ZNF704: variants seen among roughly 807,000 people sequenced by gnomAD.
ZNF704 encodes glucocorticoid induced gene 1.
Under a neutral mutation model 44.7 loss-of-function variants are expected in ZNF704, and 10 were observed. The observed-to-expected ratio is 0.22, with a 90% confidence interval of 0.14 to 0.38. The LOEUF (loss-of-function observed/expected upper bound fraction) is 0.38. Among genes scored for constraint, ZNF704 ranks in the 10% least tolerant of loss-of-function variants. The pLI is 1.00. For missense variants in ZNF704, 390 were observed against 545.5 expected (o/e 0.71, Z 2.84); for synonymous variants, 211 against 207.6 (o/e 1.02, Z -0.14).
At chr8:80,866,128 C>T (rs1410126507) in intron 1 of ZNF704, among the ~76,000 whole-genome samples, 2 of 152,138 alleles carry the variant, frequency 1.3e-5, no homozygotes, top group South Asian at 4.1e-4. Flanking sequence ...CTGGCCAAAC[C>T]ACAGAATCTT....
chr8:80,666,569 A>T (rs1391347749), intron 5 of ZNF704, among the ~76,000 whole-genome samples: 3 of 150,572 alleles, frequency 2.0e-5, no homozygotes, highest in Non-Finnish European at 4.4e-5. Flanking sequence ...GAACTAGTTT[A>T]CAGTCCCACC....
intron 8 of ZNF704, 107 bp downstream of exon 8, chr8:80,642,928 T>C (rs1817767821): frequency 3.0e-6 from 2 of 670,102 alleles, no homozygotes; most frequent in East Asian, 3.4e-5. Context: ...TTTTGTCAAT[T>C]GTGGAGAAAT....
At chr8:80,744,035 C>T (rs1232256471) in intron 2 of ZNF704, among the ~76,000 whole-genome samples, 1 of 152,088 alleles carries the variant, frequency 6.6e-6, no homozygotes, top group African/African-American at 2.4e-5. Context: ...TCTTTCTAGA[C>T]TTGAAACGTG....
At chr8:80,790,801 G>A (rs1807691345) in intron 2 of ZNF704, among the ~76,000 whole-genome samples, 1 of 152,080 alleles carries the variant, frequency 6.6e-6, no homozygotes, top group African/African-American at 2.4e-5. Flanking sequence ...GATGCTCTGG[G>A]ACATCAATAA....
intron 2 of ZNF704, among the ~76,000 whole-genome samples, chr8:80,804,080 A>C (rs1033785428): frequency 3.3e-5 from 5 of 152,202 alleles, no homozygotes; most frequent in African/African-American, 1.2e-4. Context: ...ATGAAAAAAA[A>C]CCTCAACATC....
At chr8:80,723,269 T>G (rs1418357893) in intron 2 of ZNF704, among the ~76,000 whole-genome samples, 4 of 152,246 alleles carry the variant, frequency 2.6e-5, no homozygotes, top group Non-Finnish European at 5.9e-5. Flanking sequence ...TTTTTTGTAT[T>G]CACTTCTTCA....
intron 2 of ZNF704, among the ~76,000 whole-genome samples, chr8:80,741,019 T>C (rs1806746756): frequency 6.6e-6 from 1 of 152,242 alleles, no homozygotes; most frequent in Admixed American, 6.5e-5. Context: ...GGTTAAATAC[T>C]TAAGGCTAAA....
At chr8:80,769,126 A>G (rs1430369512) in intron 2 of ZNF704, among the ~76,000 whole-genome samples, 3 of 152,190 alleles carry the variant, frequency 2.0e-5, no homozygotes, top group African/African-American at 4.8e-5. Context: ...TAGAGATTCT[A>G]AAGAACTCTA....
At chr8:80,781,220 CCA>C (rs1039305329) in intron 2 of ZNF704, among the ~76,000 whole-genome samples, 61 of 152,238 alleles carry the variant, frequency 4.0e-4, no homozygotes, top group African/African-American at 1.4e-3. Flanking sequence ...GCTCAAAAAT[CCA>C]CAGTTTCTAA....
intron 2 of ZNF704, among the ~76,000 whole-genome samples, chr8:80,737,647 G>T (rs1165856722): frequency 1.3e-5 from 2 of 152,134 alleles, no homozygotes; most frequent in Admixed American, 1.3e-4. Flanking sequence ...GGGTATGAAA[G>T]AATTTGTGAA....
At chr8:80,841,905 A>G (rs752134926) in intron 1 of ZNF704, among the ~76,000 whole-genome samples, 46 of 152,122 alleles carry the variant, frequency 3.0e-4, no homozygotes, top group Non-Finnish European at 5.7e-4. Flanking sequence ...GTCCTGCCTC[A>G]ACCTCTCAAA....
intron 2 of ZNF704, among the ~76,000 whole-genome samples, chr8:80,716,387 A>T (rs1468086396): frequency 6.6e-6 from 1 of 152,230 alleles, no homozygotes. Context: ...GATAGGGTCA[A>T]AGGAAATCAG....
At chr8:80,678,426 C>T (rs576709262) in intron 4 of ZNF704, among the ~76,000 whole-genome samples, 1 of 152,308 alleles carries the variant, frequency 6.6e-6, no homozygotes, top group Non-Finnish European at 1.5e-5. Context: ...CAGAGCTCTA[C>T]CTTCATAGTT....
intron 2 of ZNF704, among the ~76,000 whole-genome samples, chr8:80,722,416 C>T (rs138901397): frequency 2.8e-4 from 42 of 152,264 alleles, no homozygotes; most frequent in African/African-American, 7.7e-4. Context: ...TGAAGATTAA[C>T]GAATACAAAC....
intron 1 of ZNF704, among the ~76,000 whole-genome samples, chr8:80,865,169 C>T (rs887643771): frequency 1.3e-5 from 2 of 152,166 alleles, no homozygotes; most frequent in African/African-American, 4.8e-5. Context: ...CACAGTTTTA[C>T]AAATGTTTCC....
At chr8:80,743,209 A>G (rs947153581) in intron 2 of ZNF704, among the ~76,000 whole-genome samples, 27 of 151,134 alleles carry the variant, frequency 1.8e-4, no homozygotes, top group Admixed American at 1.4e-3. Context: ...AAAAAAAAAA[A>G]AAAAAAATCT....
At chr8:80,837,122 T>C (rs1808596843) in intron 1 of ZNF704, among the ~76,000 whole-genome samples, 1 of 152,178 alleles carries the variant, frequency 6.6e-6, no homozygotes. Context: ...TTCCTAGGGC[T>C]GCAAAAGTGT....
In ZNF704 at chr8:80,652,202, A is replaced by G. The variant is rs895934037; in HGVS notation, c.1032+7383T>C. Among the ~76,000 whole-genome samples, 35 of 152,292 alleles carry G rather than the reference A, an allele frequency of 2.3e-4. 1 individual carries two copies. The highest frequency in any genetic ancestry group is 8.8e-5 in the Non-Finnish European group (6 of 67,998). On this transcript the variant is annotated intron_variant, in intron 7 of 8. Transcript: ENST00000327835. ...GGGAAATTTATAGCACTAAATGCCC[A>G]CAAGAGAAAGCAGGAAAGATCTAAA...
intron 6 of ZNF704, among the ~76,000 whole-genome samples, chr8:80,663,997 C>G (rs1056045908): frequency 6.6e-6 from 1 of 151,912 alleles, no homozygotes; most frequent in Admixed American, 6.6e-5. Context: ...TCCCAAAGTT[C>G]TGGGATTACA....
Sources: allele counts gnomAD v4.1 joint callset (sites outside exome capture counted in the v4.1 genomes callset), GRCh38; gene constraint gnomAD v4.1.1; transcripts MANE v1.5; gene names NCBI Gene and HGNC (gene_info 2026-07-23, HGNC 2026-07-21).